DPYD: variants seen among roughly 807,000 people sequenced by gnomAD.
DPYD encodes the protein dihydropyrimidine dehydrogenase.
Under a neutral mutation model 116.2 loss-of-function variants are expected in DPYD, and 109 were observed. That is an observed-to-expected ratio of 0.94 (90% CI 0.80 to 1.10). The LOEUF is 1.10. DPYD is among the 50% of genes least tolerant of loss of function. The pLI is 0.00. For synonymous variants in DPYD, 440 were observed against 432.0 expected (o/e 1.02, Z -0.23); for missense variants, 1,302 against 1,254.5 (o/e 1.04, Z -0.57).
At chr1:97,857,400 G>T (rs575630678) in intron 2 of DPYD, among the ~76,000 whole-genome samples, 86 of 152,144 alleles carry the variant, frequency 5.7e-4, no homozygotes, top group Non-Finnish European at 1.1e-3. Context: ...ACCAAGCCAT[G>T]ATTAAAGGAT....
At chr1:97,696,589 T>C (rs866003828) in intron 6 of DPYD, among the ~76,000 whole-genome samples, 3 of 152,132 alleles carry the variant, frequency 2.0e-5, no homozygotes, top group African/African-American at 7.2e-5. Flanking sequence ...TCTGTGCTCC[T>C]GTAACAATCT....
At chr1:97,602,727 G>C (rs1213660851) in intron 8 of DPYD, among the ~76,000 whole-genome samples, 1 of 151,760 alleles carries the variant, frequency 6.6e-6, no homozygotes, top group African/African-American at 2.4e-5. Flanking sequence ...AGGATCTGTT[G>C]CATCTTTTCT....
rs576661222 is a variant in DPYD at position 97,098,645 on chromosome 1, C to T, written c.2623-13G>A. 27 of 1,612,188 alleles carry T rather than the reference C, an allele frequency of 1.7e-5. No homozygotes were observed. The highest frequency in any genetic ancestry group is 2.2e-5 in the Non-Finnish European group (26 of 1,179,086). On this transcript the variant is annotated splice_polypyrimidine_tract_variant and intron_variant, in intron 20 of 22. Transcript: ENST00000370192. ...AACTTGGCAGTTTCTAAAAGGAAAA[C>T]ACACAAATAAGGAAGCATGTTAGCT... is the stretch of plus-strand genomic sequence containing the variant.
At chr1:97,217,113 C>A (rs969576991) in intron 19 of DPYD, among the ~76,000 whole-genome samples, 1 of 152,006 alleles carries the variant, frequency 6.6e-6, no homozygotes, top group Non-Finnish European at 1.5e-5. Context: ...GAGGCTGAGG[C>A]AGGAGAATCG....
intron 16 of DPYD, among the ~76,000 whole-genome samples, chr1:97,349,588 A>C (rs1192312780): frequency 1.3e-5 from 2 of 151,930 alleles, no homozygotes. Context: ...TGAGTGAGAA[A>C]ATGCGGTGTT....
chr1:97,583,732 A>C (rs1020818854), intron 10 of DPYD, among the ~76,000 whole-genome samples: 2 of 146,960 alleles, frequency 1.4e-5, no homozygotes, highest in African/African-American at 5.0e-5. Flanking sequence ...GTCTACTTTT[A>C]ATGTTAGATT....
chr1:97,707,837 T>C (rs1662067288), intron 5 of DPYD, among the ~76,000 whole-genome samples: 1 of 152,082 alleles, frequency 6.6e-6, no homozygotes. Flanking sequence ...CTTTGTATCA[T>C]TTTTTAAATG....
chr1:97,627,940 T>C (rs1205790049), intron 8 of DPYD, among the ~76,000 whole-genome samples: 2 of 152,048 alleles, frequency 1.3e-5, no homozygotes, highest in Non-Finnish European at 2.9e-5. Context: ...TTAGATGCTA[T>C]CCTTAAAAAG....
chr1:97,196,152 T>G (rs774614752), intron 19 of DPYD, among the ~76,000 whole-genome samples: 5 of 152,092 alleles, frequency 3.3e-5, no homozygotes, highest in Non-Finnish European at 5.9e-5. Flanking sequence ...CAGGCTGGAG[T>G]GCAGTGGCAC....
intron 20 of DPYD, among the ~76,000 whole-genome samples, chr1:97,179,273 T>C (rs1035456595): frequency 1.3e-5 from 2 of 152,128 alleles, no homozygotes; most frequent in Non-Finnish European, 1.5e-5. Flanking sequence ...TTACCACAAA[T>C]GCTATGTGTT....
chr1:97,310,689 G>T (rs1044560334), intron 16 of DPYD, among the ~76,000 whole-genome samples: 1 of 151,616 alleles, frequency 6.6e-6, no homozygotes, highest in Non-Finnish European at 1.5e-5. Context: ...AATTAGTTGT[G>T]CAGTTTCCTA....
chr1:97,703,341 T>C (rs186062544), intron 5 of DPYD, among the ~76,000 whole-genome samples: 19 of 152,180 alleles, frequency 1.2e-4, no homozygotes, highest in Admixed American at 8.5e-4. Flanking sequence ...TCATGATGTA[T>C]AGAATTGAAC....
chr1:97,416,790 C>T (rs1161753752), intron 14 of DPYD, among the ~76,000 whole-genome samples: 2 of 152,186 alleles, frequency 1.3e-5, no homozygotes, highest in Non-Finnish European at 2.9e-5. Flanking sequence ...AATTAATATC[C>T]TCCTGAGATA....
At chr1:97,109,775 GA>G (rs1420345544) in intron 20 of DPYD, among the ~76,000 whole-genome samples, 1 of 152,008 alleles carries the variant, frequency 6.6e-6, no homozygotes, top group African/African-American at 2.4e-5. Flanking sequence ...TCATCATTTT[GA>G]AAGTCAATTT....
chr1:97,310,173 A>G (rs1166368748), intron 16 of DPYD, among the ~76,000 whole-genome samples: 3 of 151,750 alleles, frequency 2.0e-5, no homozygotes, highest in Admixed American at 1.3e-4. Flanking sequence ...CCACTGCAAA[A>G]TTTTACCAGT....
At chr1:97,226,769 G>T (rs948948302) in intron 19 of DPYD, among the ~76,000 whole-genome samples, 5 of 152,094 alleles carry the variant, frequency 3.3e-5, no homozygotes, top group Non-Finnish European at 7.4e-5. Context: ...AGGACTGGAA[G>T]AATCAATAGT....
At chr1:97,614,281 A>T (rs1347389169) in intron 8 of DPYD, among the ~76,000 whole-genome samples, 1 of 152,104 alleles carries the variant, frequency 6.6e-6, no homozygotes, top group African/African-American at 2.4e-5. Flanking sequence ...TACAAGAGTT[A>T]GAGACTTGAG....
At chr1:97,398,767 T>C (rs1673169487) in intron 14 of DPYD, among the ~76,000 whole-genome samples, 3 of 152,232 alleles carry the variant, frequency 2.0e-5, no homozygotes, top group African/African-American at 7.2e-5. Context: ...TCTATTCATT[T>C]GCTGTGCCCT....
intron 14 of DPYD, among the ~76,000 whole-genome samples, chr1:97,396,264 T>C (rs72728467): frequency 0.19 from 29,042 of 151,832 alleles, 2,944 homozygotes; most frequent in South Asian, 0.36. Context: ...GTTAAATAAC[T>C]ACTCACAGTT....
Sources: allele counts gnomAD v4.1 joint callset (sites outside exome capture counted in the v4.1 genomes callset), GRCh38; gene constraint gnomAD v4.1.1; transcripts MANE v1.5; gene names NCBI Gene and HGNC (gene_info 2026-07-23, HGNC 2026-07-21).